Variants in PCLO observed in about 807,000 individuals in gnomAD.
PCLO encodes piccolo presynaptic cytomatrix protein.
PCLO carries 82 observed loss-of-function variants against 427.5 expected under a neutral mutation model. That is an observed-to-expected ratio of 0.19 (90% confidence interval 0.16 to 0.23). The LOEUF is 0.23. Ranked by LOEUF, PCLO falls within the 10% of genes least tolerant of loss-of-function variation. PCLO has a pLI of 1.00. For missense variants in PCLO, 6,239 were observed against 6,115.9 expected, an observed-to-expected ratio of 1.02 and a Z score of -0.67; for synonymous variants, 2,357 against 2,155.4, an observed-to-expected ratio of 1.09 and a Z score of -2.59.
At chr7:82,856,636 G>T (rs953048037) in intron 10 of PCLO, among the ~76,000 whole-genome samples, 1 of 152,096 alleles carries the variant, frequency 6.6e-6, no homozygotes, top group Non-Finnish European at 1.5e-5. Flanking sequence ...GATATGTAAT[G>T]TCATCATCTC....
chr7:82,950,372 C>G lies in PCLO; in HGVS notation c.10216G>C (p.Glu3406Gln), dbSNP rs1328734838. 1 of 1,613,728 alleles carries G rather than the reference C, an allele frequency of 6.2e-7. No individual in the cohort carries two copies. Among genetic ancestry groups the G allele is most frequent in the East Asian group, 2.2e-5 (1 of 44,846 alleles). ...CTTCTCTTTTTGGGTTGTTTTTCCT[C>G]TTTCACAACAACATCTGTTAGAGGT... The part of the protein sequence containing the change: ...EIPLTDVVVK[E>Q]EKQPKKRSSG... Residue 3406 changes from glutamate (E) to glutamine (Q), a missense_variant, in exon 6 of 25, where the codon GAG (glutamate) becomes CAG (glutamine). Around this residue, in one of 5 missense-constraint regions of PCLO, gnomAD observed 4,677 missense variants for 4,468.4 expected, o/e 1.05. Coordinates refer to ENST00000333891, the MANE Select transcript of PCLO (RefSeq NM_033026.6).
At position 82,920,694 on chromosome 7, in the gene PCLO, C is replaced by T. The variant is rs527527727; in HGVS notation, c.11113-3821G>A. On this transcript the variant is annotated intron_variant, in intron 6 of 24. Transcript: ENST00000333891. Reference sequence around the variant, plus strand: ...TGCAATTTATACCATTTCTATATGGCAAAGGAAATTTTGCTTGTTTTGGAG... The same window carrying T: ...TGCAATTTATACCATTTCTATATGGTAAAGGAAATTTTGCTTGTTTTGGAG... 7.9e-5 allele frequency among the ~76,000 whole-genome samples: 12 copies of T among 151,658 alleles called. No homozygotes were observed. The South Asian group carries it at 1.9e-3, about 24-fold the overall frequency.
intron 3 of PCLO, among the ~76,000 whole-genome samples, chr7:82,969,832 T>G (rs995195087): frequency 1.4e-4 from 22 of 152,228 alleles, no homozygotes; most frequent in Middle Eastern, 3.4e-3. Context: ...TGTGTTGCAA[T>G]GCAGAAGAGA....
intron 10 of PCLO, chr7:82,867,987 T>A: frequency 5.7e-6 from 2 of 352,750 alleles, no homozygotes; most frequent in Non-Finnish European, 1.1e-5. Flanking sequence ...CAGAAGAGAG[T>A]TTCCTAAATA....
At chr7:83,153,367 AAAAGT>A (rs1302685162) in intron 2 of PCLO, among the ~76,000 whole-genome samples, 2 of 152,036 alleles carry the variant, frequency 1.3e-5, no homozygotes, top group Non-Finnish European at 2.9e-5. Context: ...TTTTGTTTAA[AAAAGT>A]AAAGGTTACT....
intron 18 of PCLO, among the ~76,000 whole-genome samples, chr7:82,825,941 A>T (rs1368762815): frequency 6.7e-6 from 1 of 149,168 alleles, no homozygotes; most frequent in African/African-American, 2.4e-5. Context: ...GTTCATATAT[A>T]TAAACAATGT....
At chr7:82,760,880 G>T in intron 23 of PCLO, 96 bp from the exon 24 acceptor site, 1 of 465,404 alleles carries the variant, frequency 2.1e-6, no homozygotes. Context: ...GTTACATTTT[G>T]CACAAAGCCA....
chr7:83,042,777 G>C (rs1396345915), intron 3 of PCLO, among the ~76,000 whole-genome samples: 1 of 152,124 alleles, frequency 6.6e-6, no homozygotes, highest in African/African-American at 2.4e-5. Flanking sequence ...CAGGAGAATT[G>C]CTTGAACCCG....
chr7:83,073,804 ATATTT>A (rs1309312089), intron 3 of PCLO, among the ~76,000 whole-genome samples: 3 of 151,100 alleles, frequency 2.0e-5, no homozygotes, highest in Non-Finnish European at 4.4e-5. Context: ...TTTTTAGTAA[ATATTT>A]TATTACAATA....
chr7:83,004,916 G>A (rs1029968677), intron 3 of PCLO, among the ~76,000 whole-genome samples: 1 of 151,418 alleles, frequency 6.6e-6, no homozygotes, highest in Non-Finnish European at 1.5e-5. Flanking sequence ...TTAGGTATAT[G>A]GAAAGGTGCT....
chr7:82,961,950 A>G (rs1213846982), intron 4 of PCLO, among the ~76,000 whole-genome samples: 1 of 152,216 alleles, frequency 6.6e-6, no homozygotes, highest in Non-Finnish European at 1.5e-5. Flanking sequence ...TAATGTAAGA[A>G]ATACACACAT....
chr7:82,790,479 C>T (rs1791078815), intron 22 of PCLO, among the ~76,000 whole-genome samples: 2 of 152,158 alleles, frequency 1.3e-5, no homozygotes, highest in African/African-American at 4.8e-5. Context: ...TCCTTGCCAG[C>T]ATTCCTTCTA....
At chr7:83,112,461 A>T (rs1032610986) in intron 3 of PCLO, among the ~76,000 whole-genome samples, 1 of 152,202 alleles carries the variant, frequency 6.6e-6, no homozygotes, top group South Asian at 2.1e-4. Flanking sequence ...TCTTAATCCA[A>T]TTTTTTTAGA....
intron 3 of PCLO, among the ~76,000 whole-genome samples, chr7:83,041,361 T>C (rs138800801): frequency 6.6e-6 from 1 of 152,284 alleles, no homozygotes; most frequent in African/African-American, 2.4e-5. Flanking sequence ...TTCCAGAGGC[T>C]GTTAAAGTCT....
chr7:82,893,710 T>C (rs1793833125), intron 9 of PCLO, among the ~76,000 whole-genome samples: 1 of 152,052 alleles, frequency 6.6e-6, no homozygotes, highest in African/African-American at 2.4e-5. Context: ...AGAAACTTAA[T>C]GGACTCATTT....
At position 82,780,600 on chromosome 7, in the gene PCLO, T is replaced by A. The variant is rs188102570; in HGVS notation, c.15008-19107A>T. On this transcript the variant is annotated intron_variant, in intron 22 of 24. Transcript: ENST00000333891. The stretch of plus-strand genomic sequence containing the variant: ...TCTCGCTCTGTCGCCCAGGCTGGAG[T>A]GCGGTGGCGCGATCTCCGCTCAATG... 5.6e-4 allele frequency among the ~76,000 whole-genome samples: 86 copies of A among 152,306 alleles called. 1 individual carries two copies. In the East Asian group the frequency reaches 0.014, roughly 24 times the overall value.
At position 82,779,545 on chromosome 7, in the gene PCLO, C is replaced by CT. The variant is rs1790825252; in HGVS notation, c.15008-18053dup. On this transcript the variant is annotated intron_variant, in intron 22 of 24. Transcript: ENST00000333891. ...CCTTTTTCATTGTACTTTTTCTACT[C>CT]TTTTCCTTCTACATCCTTAACGAAA... is the stretch of plus-strand genomic sequence containing the variant. 3.9e-5 allele frequency among the ~76,000 whole-genome samples: 6 copies of CT among 152,200 alleles called. No individual in the cohort carries two copies. The South Asian group carries it at 1.2e-3, about 32-fold the overall frequency.
chr7:82,876,658 C>T (rs191273255), intron 10 of PCLO, among the ~76,000 whole-genome samples: 7 of 151,668 alleles, frequency 4.6e-5, no homozygotes, highest in South Asian at 2.1e-4. Context: ...TTTTTGAGGG[C>T]GAGAAAAGAT....
At chr7:83,046,749 A>C (rs928924605) in intron 3 of PCLO, among the ~76,000 whole-genome samples, 3 of 152,030 alleles carry the variant, frequency 2.0e-5, no homozygotes, top group African/African-American at 7.2e-5. Context: ...AAATGGGTGC[A>C]TACAATTTAG....
Sources: allele counts gnomAD v4.1 joint callset (sites outside exome capture counted in the v4.1 genomes callset), GRCh38; gene constraint gnomAD v4.1.1; regional missense constraint gnomAD v4.1.1; transcripts MANE v1.5; gene names NCBI Gene and HGNC (gene_info 2026-07-23, HGNC 2026-07-21).